Variants in CCDC148 observed in about 807,000 individuals in gnomAD.
CCDC148 encodes coiled-coil domain-containing protein 148.
CCDC148 carries 89 observed loss-of-function variants against 85.7 expected under a neutral mutation model. The ratio of observed to expected loss-of-function variants is 1.04; its 90% CI spans 0.87 to 1.24. The LOEUF (loss-of-function observed/expected upper bound fraction) is 1.24. Among genes scored for constraint, CCDC148 ranks in the 50% most tolerant of loss-of-function variants. The pLI is 0.00. For missense variants in CCDC148, 692 were observed against 671.7 expected (o/e 1.03, Z -0.33); for synonymous variants, 230 against 213.9 (o/e 1.08, Z -0.66).
At chr2:158,340,206 A>G (rs756144765) in intron 5 of CCDC148, 36 bp downstream of exon 5, 68 of 1,598,964 alleles carry the variant, frequency 4.3e-5, no homozygotes, top group Non-Finnish European at 5.7e-5. Context: ...CAAAAATGAA[A>G]TATTACATTA....
chr2:158,447,841 T>G (rs1171418363), intron 1 of CCDC148, among the ~76,000 whole-genome samples: 1 of 152,194 alleles, frequency 6.6e-6, no homozygotes, highest in Admixed American at 6.5e-5. Context: ...CTGTTATTTG[T>G]CTTTTCACTT....
At chr2:158,226,726 G>A (rs1221642033) in intron 10 of CCDC148, among the ~76,000 whole-genome samples, 1 of 152,130 alleles carries the variant, frequency 6.6e-6, no homozygotes, top group Non-Finnish European at 1.5e-5. Flanking sequence ...CTCAATAGAT[G>A]CAGAAAAGGC....
chr2:158,396,241 T>G (rs1685516799), intron 1 of CCDC148, among the ~76,000 whole-genome samples: 1 of 152,148 alleles, frequency 6.6e-6, no homozygotes, highest in African/African-American at 2.4e-5. Flanking sequence ...AAAATCCATG[T>G]TTTCATCATC....
At chr2:158,264,953 T>C (rs1574504338) in intron 9 of CCDC148, among the ~76,000 whole-genome samples, 1 of 152,164 alleles carries the variant, frequency 6.6e-6, no homozygotes, top group Non-Finnish European at 1.5e-5. Flanking sequence ...TACTTCTAAA[T>C]GACAGCTCCA....
At chr2:158,256,651 G>C (rs964952377) in intron 9 of CCDC148, among the ~76,000 whole-genome samples, 1 of 151,640 alleles carries the variant, frequency 6.6e-6, no homozygotes, top group African/African-American at 2.4e-5. Flanking sequence ...AGATTATTCT[G>C]TGCCAGGCTA....
intron 1 of CCDC148, among the ~76,000 whole-genome samples, chr2:158,381,854 C>T (rs1489467227): frequency 2.0e-5 from 3 of 152,096 alleles, no homozygotes; most frequent in African/African-American, 4.8e-5. Context: ...CATAGCACTA[C>T]CTGAAACAAA....
chr2:158,173,946 C>T lies in CCDC148; in HGVS notation c.1630-1687G>A, dbSNP rs187021271. ...AATGGAGATCTCCCCTCTACCGGAA[C>T]TTCCATCTTCCCAATTCCCTTCCCC... is the stretch of plus-strand genomic sequence containing the variant. On this transcript the variant is annotated intron_variant, in intron 13 of 13. Coordinates refer to ENST00000283233, the MANE Select transcript of CCDC148 (RefSeq NM_138803.4). Among the ~76,000 whole-genome samples, 4 of 152,088 alleles carry T rather than the reference C, an allele frequency of 2.6e-5. No individual in the cohort carries two copies. In the East Asian group the frequency reaches 7.8e-4, roughly 30 times the overall value.
intron 11 of CCDC148, among the ~76,000 whole-genome samples, chr2:158,201,230 C>T (rs1685937776): frequency 6.6e-6 from 1 of 152,028 alleles, no homozygotes; most frequent in Non-Finnish European, 1.5e-5. Context: ...TTTTCTTTTA[C>T]ACTGAGTCCT....
chr2:158,387,288 T>TTATCTA (rs3080062), intron 1 of CCDC148, among the ~76,000 whole-genome samples: 6,076 of 150,572 alleles, frequency 0.04, 185 homozygotes, highest in African/African-American at 0.086. Context: ...ATTTATATCA[T>TTATCTA]TATCTATATC....
At chr2:158,294,644 TG>T (rs1691083927) in intron 9 of CCDC148, among the ~76,000 whole-genome samples, 1 of 151,972 alleles carries the variant, frequency 6.6e-6, no homozygotes, top group Non-Finnish European at 1.5e-5. Flanking sequence ...GGCAACATGG[TG>T]AAACCCCGTC....
intron 1 of CCDC148, among the ~76,000 whole-genome samples, chr2:158,359,452 G>A (rs1683828572): frequency 1.3e-5 from 2 of 152,102 alleles, no homozygotes; most frequent in Non-Finnish European, 2.9e-5. Context: ...GCAGAAGGTG[G>A]GTGATTTCTG....
intron 11 of CCDC148, among the ~76,000 whole-genome samples, chr2:158,207,308 G>T (rs1329169626): frequency 1.3e-5 from 2 of 152,146 alleles, no homozygotes; most frequent in African/African-American, 2.4e-5. Flanking sequence ...TATTTTCTGA[G>T]GTTCAATGCT....
intron 9 of CCDC148, among the ~76,000 whole-genome samples, chr2:158,287,599 T>C (rs528497951): frequency 9.8e-5 from 15 of 152,354 alleles, no homozygotes; most frequent in Non-Finnish European, 1.8e-4. Context: ...CTTTGACTCC[T>C]GTCTCAAATC....
chr2:158,324,373 A>T (rs971142842), intron 7 of CCDC148, among the ~76,000 whole-genome samples: 6 of 152,232 alleles, frequency 3.9e-5, no homozygotes, highest in African/African-American at 1.4e-4. Flanking sequence ...ATAGCAACAT[A>T]TTCAAACCAT....
intron 12 of CCDC148, 43 bp downstream of exon 12, chr2:158,178,836 T>G (rs1467344171): frequency 8.0e-6 from 11 of 1,368,064 alleles, no homozygotes; most frequent in Non-Finnish European, 1.1e-5. Flanking sequence ...AGAAACATTT[T>G]TTTTAAAAAA....
chr2:158,339,907 G>A (rs1282192458), intron 5 of CCDC148, among the ~76,000 whole-genome samples: 3 of 152,158 alleles, frequency 2.0e-5, no homozygotes, highest in East Asian at 3.9e-4. Context: ...GTACTCACAG[G>A]AGCCCCTAGG....
chr2:158,365,262 C>T (rs112398536), intron 1 of CCDC148, among the ~76,000 whole-genome samples: 118,201 of 152,076 alleles, frequency 0.78, 46,252 homozygotes, highest in East Asian at 0.95. Context: ...TCCTCAAGGA[C>T]CTAGAACTAG....
At chr2:158,288,532 C>T (rs1690738580) in intron 9 of CCDC148, 1 of 153,612 alleles carries the variant, frequency 6.5e-6, no homozygotes, top group Admixed American at 6.5e-5. Context: ...CAAAAAGAGT[C>T]ATCTTTGCTC....
intron 1 of CCDC148, among the ~76,000 whole-genome samples, chr2:158,396,397 A>G (rs1218672620): frequency 6.6e-6 from 1 of 152,076 alleles, no homozygotes; most frequent in Admixed American, 6.6e-5. Flanking sequence ...ACACTGAGGA[A>G]GAATGTCAGT....
Sources: allele counts gnomAD v4.1 joint callset (sites outside exome capture counted in the v4.1 genomes callset), GRCh38; gene constraint gnomAD v4.1.1; transcripts MANE v1.5; gene names NCBI Gene and HGNC (gene_info 2026-07-23, HGNC 2026-07-21).